WDPCP: variants seen among roughly 807,000 people sequenced by gnomAD.
WDPCP encodes WD repeat-containing and planar cell polarity effector protein fritz homolog.
A neutral mutation model predicts 93.1 loss-of-function variants in WDPCP; 71 were observed. That is an observed-to-expected ratio of 0.76 (90% confidence interval 0.63 to 0.93). The LOEUF is 0.93. Among genes scored for constraint, WDPCP ranks in the 40% least tolerant of loss-of-function variants. The pLI, the probability that WDPCP is intolerant of heterozygous loss-of-function variation, is 0.00. For missense variants in WDPCP, 844 were observed against 887.4 expected (o/e 0.95, Z 0.62); for synonymous variants, 315 against 315.0 (o/e 1.00, Z 0.00).
chr2:63,282,070 G>A (rs1683599231), intron 13 of WDPCP, among the ~76,000 whole-genome samples: 1 of 151,990 alleles, frequency 6.6e-6, no homozygotes, highest in Non-Finnish European at 1.5e-5. Context: ...CACAGAAATA[G>A]ATAAAATAAT....
At chr2:63,143,526 T>C (rs1671250904) in intron 17 of WDPCP, among the ~76,000 whole-genome samples, 1 of 152,226 alleles carries the variant, frequency 6.6e-6, no homozygotes, top group Non-Finnish European at 1.5e-5. Flanking sequence ...ATTTTTGTTT[T>C]ATAGGTCCTG....
At chr2:63,222,331 C>G (rs1048315566) in intron 14 of WDPCP, among the ~76,000 whole-genome samples, 4 of 152,184 alleles carry the variant, frequency 2.6e-5, no homozygotes, top group Non-Finnish European at 4.4e-5. Context: ...CTTCTACCAT[C>G]AGACTTGTGG....
intron 17 of WDPCP, among the ~76,000 whole-genome samples, chr2:63,149,820 A>G (rs1161146485): frequency 6.6e-6 from 1 of 152,158 alleles, no homozygotes; most frequent in Non-Finnish European, 1.5e-5. Context: ...CCAACAATAT[A>G]GCAAGACCCT....
At chr2:63,569,511 C>T (rs1575668034) in intron 1 of WDPCP, among the ~76,000 whole-genome samples, 1 of 152,096 alleles carries the variant, frequency 6.6e-6, no homozygotes, top group East Asian at 1.9e-4. Context: ...ATGGGAAAGC[C>T]CAAGGAAGCA....
chr2:63,558,116 C>G (rs981021198), intron 1 of WDPCP, among the ~76,000 whole-genome samples: 1 of 151,640 alleles, frequency 6.6e-6, no homozygotes, highest in African/African-American at 2.4e-5. Context: ...AAGAAATAAC[C>G]AAGTTCAGAG....
At chr2:63,495,642 T>C (rs1701178169) in intron 1 of WDPCP, among the ~76,000 whole-genome samples, 1 of 152,170 alleles carries the variant, frequency 6.6e-6, no homozygotes. Flanking sequence ...TTACCTAACT[T>C]CTCTATTTCT....
intron 13 of WDPCP, among the ~76,000 whole-genome samples, chr2:63,274,537 A>T (rs1425595542): frequency 6.6e-6 from 1 of 152,170 alleles, no homozygotes; most frequent in Non-Finnish European, 1.5e-5. Context: ...TGGTTCACTG[A>T]AAAGATGAAA....
At chr2:63,626,629 C>A (rs1001078811) in intron 3 of WDPCP, among the ~76,000 whole-genome samples, 2 of 152,146 alleles carry the variant, frequency 1.3e-5, no homozygotes, top group African/African-American at 4.8e-5. Context: ...CAATGAGATA[C>A]CATCTCATAC....
rs774666183 is a variant in WDPCP, at chr2:63,588,174, C to T, written c.75+23G>A. The T allele has an allele frequency of 9.0e-6, 14 of 1,555,070 alleles. No individual in the cohort carries two copies. In the African/African-American group the frequency reaches 1.4e-4, roughly 15 times the overall value. ...GGATCCTAAGGTTAAAAGAAAACCC[C>T]TTGCCCTCGGGCCAGGGCTCACCTG... On this transcript the variant is annotated intron_variant, in intron 1 of 17. Coordinates refer to ENST00000272321, the MANE Select transcript of WDPCP (RefSeq NM_015910.7).
At chr2:63,145,459 C>T (rs1029690793) in intron 17 of WDPCP, among the ~76,000 whole-genome samples, 1 of 152,010 alleles carries the variant, frequency 6.6e-6, no homozygotes, top group African/African-American at 2.4e-5. Flanking sequence ...GGGGTGAGAT[C>T]CCCAGGTCAC....
chr2:63,285,531 C>T (rs1683929767), intron 13 of WDPCP, among the ~76,000 whole-genome samples: 1 of 151,346 alleles, frequency 6.6e-6, no homozygotes, highest in African/African-American at 2.4e-5. Context: ...GGGAGACCCA[C>T]TTTAAAGACA....
chr2:63,225,995 C>A (rs770773762), intron 14 of WDPCP, among the ~76,000 whole-genome samples: 1 of 151,784 alleles, frequency 6.6e-6, no homozygotes, highest in Non-Finnish European at 1.5e-5. Flanking sequence ...AGTCAAAATT[C>A]TTTGAGTTGA....
chr2:63,837,416 C>T, the WDPCP span, among the ~76,000 whole-genome samples: 1 of 152,116 alleles, frequency 6.6e-6, no homozygotes, highest in Admixed American at 6.5e-5. Flanking sequence ...AGATGGGAGC[C>T]AATATTGAGT....
At chr2:63,150,769 G>A (rs1441207085) in intron 17 of WDPCP, among the ~76,000 whole-genome samples, 4 of 152,092 alleles carry the variant, frequency 2.6e-5, no homozygotes. Flanking sequence ...AATTGGTTGA[G>A]AAAAAAGTTG....
At chr2:63,535,158 T>C (rs1168230031) in intron 1 of WDPCP, among the ~76,000 whole-genome samples, 3 of 152,262 alleles carry the variant, frequency 2.0e-5, no homozygotes, top group East Asian at 1.9e-4. Context: ...TTACAAGGGA[T>C]GTGAAGGACC....
rs186500447 is a variant in WDPCP at position 63,706,106 on chromosome 2, A to G, written n.309-55268T>C. The stretch of plus-strand genomic sequence containing the variant: ...TGGTTTAAAGTCTGTTTTATCCAAG[A>G]CTAGGATTGCAACCCCTGCATTTTT... On this transcript the variant is annotated intron_variant and non_coding_transcript_variant, in intron 2 of 4. Coordinates refer to the WDPCP transcript ENST00000467687. 9.1e-4 allele frequency among the ~76,000 whole-genome samples: 138 copies of G among 152,252 alleles called. 1 individual carries two copies. The highest frequency in any genetic ancestry group is 3.2e-3 in the African/African-American group (134 of 41,522).
intron 2 of WDPCP, among the ~76,000 whole-genome samples, chr2:63,738,866 T>TC: frequency 6.6e-6 from 1 of 151,778 alleles, no homozygotes; most frequent in African/African-American, 2.4e-5. Flanking sequence ...CTCCCCAAAA[T>TC]CCCCCCGACA....
At chr2:63,604,764 G>A (rs536307600) in intron 3 of WDPCP, 42 of 1,614,098 alleles carry the variant, frequency 2.6e-5, no homozygotes, top group East Asian at 6.7e-5. Flanking sequence ...ACCATTCCTC[G>A]ACTCAGTATC....
intron 6 of WDPCP, among the ~76,000 whole-genome samples, chr2:63,479,567 A>G (rs2105877168): frequency 6.6e-6 from 1 of 152,352 alleles, no homozygotes; most frequent in South Asian, 2.1e-4. Flanking sequence ...CTGCATAAAC[A>G]GAATTAAAAA....
Sources: gnomAD v4.1 joint callset for allele counts (sites outside exome capture counted in the v4.1 genomes callset) on GRCh38, gnomAD v4.1.1 for gene constraint, MANE v1.5 for transcripts, NCBI Gene and HGNC (gene_info 2026-07-23, HGNC 2026-07-21) for gene names.